The following ABCA1 variants were observed in gnomAD, a reference collection of about 807,000 sequenced individuals.
The protein encoded by ABCA1 is ATP binding cassette subfamily A member 1, also known as phospholipid-transporting ATPase ABCA1.
In ABCA1, 133 loss-of-function variants were observed where a neutral mutation model predicts 262.5. The observed-to-expected ratio is 0.51, with a 90% CI of 0.44 to 0.59. ABCA1 has a LOEUF of 0.59. ABCA1 is among the 20% of genes least tolerant of loss of function. ABCA1 has a pLI of 0.00. For synonymous variants in ABCA1, 1,022 were observed against 1,043.5 expected (o/e 0.98, Z 0.40); for missense variants, 2,452 against 2,777.5 (o/e 0.88, Z 2.63).
intron 5 of ABCA1, among the ~76,000 whole-genome samples, chr9:104,867,226 G>A (rs1837176258): frequency 1.3e-5 from 2 of 152,158 alleles, no homozygotes; most frequent in Non-Finnish European, 2.9e-5. Context: ...AAGCAGAGTG[G>A]GGAACAGGAG....
At chr9:104,833,006 T>C (rs888941592) in intron 11 of ABCA1, among the ~76,000 whole-genome samples, 2 of 152,132 alleles carry the variant, frequency 1.3e-5, no homozygotes, top group African/African-American at 2.4e-5. Context: ...AGACTCAAAG[T>C]CAGACCAGTC....
Position 104,810,924 on chromosome 9 carries a change from T to G in ABCA1, c.4051A>C (p.Ile1351Leu). The G allele has an allele frequency of 1.2e-6, 2 of 1,614,006 alleles. No homozygotes were observed. Among genetic ancestry groups the G allele is most frequent in the East Asian group, 4.5e-5 (2 of 44,858 alleles). ...CAGACAAACACAGCTGGCAAGACAATCTTTACCCAGGCAGTGGAGGGGGCA... is the reference window on the plus strand; with the variant it reads ...CAGACAAACACAGCTGGCAAGACAAGCTTTACCCAGGCAGTGGAGGGGGCA... ...RRSRKGFFAQ[I>L]VLPAVFVCIA... Residue 1351 changes from isoleucine to leucine, a missense_variant and splice_region_variant, in exon 29 of 50, where the codon ATT (isoleucine) becomes CTT (leucine). This residue lies in a region of ABCA1 where 665 missense variants were observed against 727.3 expected (regional missense o/e 0.91). Transcript: ENST00000374736.
chr9:104,832,858 A>G, intron 11 of ABCA1, 87 bp from the exon 12 acceptor site: 3 of 1,264,010 alleles, frequency 2.4e-6, no homozygotes, highest in Non-Finnish European at 3.5e-6. Flanking sequence ...TTGCATATAC[A>G]CTGTCGTTGT....
chr9:104,868,498 C>T (rs977799887), intron 5 of ABCA1, among the ~76,000 whole-genome samples: 2 of 152,234 alleles, frequency 1.3e-5, no homozygotes, highest in Non-Finnish European at 2.9e-5. Flanking sequence ...GGTATGACCT[C>T]TGTCACAGGA....
intron 23 of ABCA1, 22 bp downstream of exon 23, chr9:104,818,641 C>T (rs1203535349): frequency 1.9e-6 from 3 of 1,609,700 alleles, no homozygotes; most frequent in African/African-American, 2.7e-5. Flanking sequence ...AACACCAGCC[C>T]AGCACCAAGA....
intron 1 of ABCA1, among the ~76,000 whole-genome samples, chr9:104,904,320 A>G (rs1288314290): frequency 3.9e-5 from 6 of 152,210 alleles, no homozygotes; most frequent in Admixed American, 3.9e-4. Flanking sequence ...CTATAATCCC[A>G]GCACTTTGGG....
intron 5 of ABCA1, among the ~76,000 whole-genome samples, chr9:104,866,305 C>T (rs1296735689): frequency 6.6e-6 from 1 of 152,022 alleles, no homozygotes; most frequent in Non-Finnish European, 1.5e-5. Context: ...GTCTTCTCCC[C>T]TATGTTGCTG....
At position 104,827,082 on chromosome 9, in the gene ABCA1, G is replaced by C. The variant is rs1394696355; in HGVS notation, c.2203C>G (p.Leu735Val). 1 of 1,614,148 alleles carries C rather than the reference G, an allele frequency of 6.2e-7. No homozygotes were observed. The highest frequency in any genetic ancestry group is 1.3e-5 in the African/African-American group (1 of 75,018). ...FAVVTILQCF[L>V]ISTLFSRANL... The stretch of plus-strand genomic sequence containing the variant: ...GCTCTGGAGAAGAGTGTGCTAATCA[G>C]GAAGCACTGCAGGATTGTCACCACA... The change falls in exon 16 of 50, where the codon CTG becomes GTG. Residue 735 changes from leucine to valine, a missense_variant. By Grantham distance (32) the Leu-to-Val change is conservative (BLOSUM62 1). Coordinates refer to ENST00000374736, the MANE Select transcript of ABCA1 (RefSeq NM_005502.4).
rs77493211 is a variant in ABCA1 at position 104,913,002 on chromosome 9, G to A, written c.-92-9231C>T. Reference sequence around the variant, plus strand: ...ATAATGTTCCCTGCTGTTATAGGACGGTTTTCCAAGAGAATTTTGGGATAA... The same window carrying A: ...ATAATGTTCCCTGCTGTTATAGGACAGTTTTCCAAGAGAATTTTGGGATAA... On this transcript the variant is annotated intron_variant, in intron 1 of 49. Coordinates refer to ENST00000374736, the MANE Select transcript of ABCA1 (RefSeq NM_005502.4). 7.2e-5 allele frequency among the ~76,000 whole-genome samples: 11 copies of A among 152,182 alleles called. No homozygotes were observed. The East Asian group carries it at 7.7e-4, about 11-fold the overall frequency.
chr9:104,800,049 G>T, intron 35 of ABCA1, 61 bp from the exon 36 acceptor site: 3 of 1,585,234 alleles, frequency 1.9e-6, no homozygotes, highest in African/African-American at 1.3e-5. Context: ...GCAGGCAGGT[G>T]CATACCCACC....
chr9:104,890,222 T>C (rs1170783992), intron 2 of ABCA1, among the ~76,000 whole-genome samples: 1 of 152,212 alleles, frequency 6.6e-6, no homozygotes, highest in African/African-American at 2.4e-5. Flanking sequence ...AACTGTGGCT[T>C]CAGAGTCACA....
At chr9:104,915,343 C>A (rs1336146925) in intron 1 of ABCA1, among the ~76,000 whole-genome samples, 1 of 152,194 alleles carries the variant, frequency 6.6e-6, no homozygotes, top group Non-Finnish European at 1.5e-5. Flanking sequence ...CCAGGGCAAG[C>A]ACAGAGACAC....
chr9:104,837,838 C>A (rs1166980693), intron 9 of ABCA1, among the ~76,000 whole-genome samples: 1 of 152,208 alleles, frequency 6.6e-6, no homozygotes, highest in African/African-American at 2.4e-5. Context: ...CTTATTATAA[C>A]GTCAATGACG....
At position 104,810,144 on chromosome 9, in the gene ABCA1, A is replaced by G. The variant is rs1480445994; in HGVS notation, c.4176-580T>C. Among the ~76,000 whole-genome samples, 3 of 87,124 alleles carry G rather than the reference A, an allele frequency of 3.4e-5. No homozygotes were observed. The East Asian group carries it at 6.9e-4, about 20-fold the overall frequency. 57.2% of individuals were successfully genotyped at this position (87,124 alleles called of 152,430 possible). On this transcript the variant is annotated intron_variant, in intron 29 of 49. Coordinates refer to ENST00000374736, the MANE Select transcript of ABCA1 (RefSeq NM_005502.4). The stretch of plus-strand genomic sequence containing the variant: ...AAAAAGAGGCCAATTCACATTACAT[A>G]TATATATATATATATATATATATAC...
chr9:104,850,572 T>C (rs2119070176), intron 7 of ABCA1, among the ~76,000 whole-genome samples: 1 of 152,364 alleles, frequency 6.6e-6, no homozygotes, highest in Middle Eastern at 3.4e-3. Context: ...TGAGCACATA[T>C]CAGATCTAAC....
chr9:104,855,905 C>CA, intron 7 of ABCA1: 1 of 1,612,868 alleles, frequency 6.2e-7, no homozygotes. Context: ...CTCACGCACA[C>CA]ACAAAAGGAG....
At chr9:104,859,416 T>C (rs1413506623) in intron 6 of ABCA1, among the ~76,000 whole-genome samples, 1 of 144,472 alleles carries the variant, frequency 6.9e-6, no homozygotes, top group East Asian at 1.9e-4. Context: ...AAGAAGAGCC[T>C]GTTTATCCTG....
intron 7 of ABCA1, among the ~76,000 whole-genome samples, chr9:104,847,420 G>T (rs767661936): frequency 6.6e-6 from 1 of 152,154 alleles, no homozygotes; most frequent in African/African-American, 2.4e-5. Context: ...AAAGCCCCTC[G>T]CACAGTGCCT....
intron 21 of ABCA1, 41 bp downstream of exon 21, chr9:104,819,886 G>T: frequency 6.2e-7 from 1 of 1,609,756 alleles, no homozygotes; most frequent in Non-Finnish European, 8.5e-7. Flanking sequence ...GTAGCCGGAG[G>T]AGGAGGGGAG....
Sources: allele counts gnomAD v4.1 joint callset (sites outside exome capture counted in the v4.1 genomes callset), GRCh38; gene constraint gnomAD v4.1.1; regional missense constraint gnomAD v4.1.1; transcripts MANE v1.5; gene names NCBI Gene and HGNC (gene_info 2026-07-23, HGNC 2026-07-21).